The following SLC1A1 variants were observed in gnomAD, a reference collection of about 807,000 sequenced individuals.
The protein encoded by SLC1A1 is solute carrier family 1 member 1, also known as excitatory amino acid transporter 3.
A neutral mutation model predicts 53.3 loss-of-function variants in SLC1A1; 43 were observed. The ratio of observed to expected loss-of-function variants is 0.81; its 90% CI spans 0.63 to 1.04. SLC1A1 has a LOEUF of 1.04. SLC1A1 is among the 50% of genes least tolerant of loss of function. The pLI is 0.00. For synonymous variants in SLC1A1, 307 were observed against 243.2 expected (o/e 1.26, Z -2.44); for missense variants, 748 against 664.9 (o/e 1.12, Z -1.37).
intron 1 of SLC1A1, among the ~76,000 whole-genome samples, chr9:4,537,653 G>A (rs1451445928): frequency 1.3e-5 from 2 of 151,148 alleles, no homozygotes; most frequent in Admixed American, 6.6e-5. Context: ...AACATGCTAC[G>A]TGAAATAAGC....
At chr9:4,551,925 T>A (rs1379582417) in intron 2 of SLC1A1, among the ~76,000 whole-genome samples, 1 of 152,216 alleles carries the variant, frequency 6.6e-6, no homozygotes, top group East Asian at 1.9e-4. Context: ...ACATAGTGTA[T>A]AAGGAAGAGC....
At chr9:4,584,830 G>A (rs1821441023) in intron 11 of SLC1A1, among the ~76,000 whole-genome samples, 1 of 152,066 alleles carries the variant, frequency 6.6e-6, no homozygotes, top group Non-Finnish European at 1.5e-5. Context: ...GACCTAGATT[G>A]GTAAATAAAC....
intron 10 of SLC1A1, among the ~76,000 whole-genome samples, chr9:4,577,487 AT>A (rs963871842): frequency 1.3e-4 from 20 of 152,186 alleles, no homozygotes; most frequent in African/African-American, 4.8e-4. Flanking sequence ...GTATTTATTT[AT>A]TTTTTGAGAT....
In SLC1A1 at chr9:4,576,626, G is replaced by C. The variant is rs774554523; in HGVS notation, c.1056G>C (p.Lys352Asn). ...CTGAAGAAAATAACCAGGTGGACAA[G>C]AGGATCACTCGATTCGTGTTACCCG... is the stretch of plus-strand genomic sequence containing the variant. The part of the protein sequence containing the change: ...RCAEENNQVD[K>N]RITRFVLPVG... Residue 352 changes from lysine to asparagine, a missense_variant, in exon 10 of 12, where the codon AAG becomes AAC. Lys to Asn is a moderately conservative substitution (Grantham distance 94, BLOSUM62 0). Transcript: ENST00000262352. 20 of 1,614,202 alleles carry C rather than the reference G, an allele frequency of 1.2e-5. No individual in the cohort carries two copies. The highest frequency in any genetic ancestry group is 1.6e-5 in the Non-Finnish European group (19 of 1,180,028).
intron 1 of SLC1A1, among the ~76,000 whole-genome samples, chr9:4,527,463 A>T (rs1326903600): frequency 6.6e-6 from 1 of 152,178 alleles, no homozygotes; most frequent in Non-Finnish European, 1.5e-5. Flanking sequence ...CATGCTATAT[A>T]AACAGTGCTG....
At chr9:4,544,445 A>T (rs566983975) in intron 1 of SLC1A1, 122 bp from the exon 2 acceptor site, 1 of 847,786 alleles carries the variant, frequency 1.2e-6, no homozygotes, top group South Asian at 1.4e-5. Context: ...ACTCATGGGA[A>T]ATGATCTAAA....
chr9:4,568,275 G>A (rs573097563), intron 6 of SLC1A1, among the ~76,000 whole-genome samples: 2 of 152,036 alleles, frequency 1.3e-5, no homozygotes, highest in South Asian at 2.1e-4. Context: ...AAAAATAGCC[G>A]GGTGTGATGG....
At chr9:4,497,140 T>G (rs1586686237) in intron 1 of SLC1A1, among the ~76,000 whole-genome samples, 1 of 152,270 alleles carries the variant, frequency 6.6e-6, no homozygotes, top group Admixed American at 6.5e-5. Context: ...CAGAAATTTT[T>G]TTTTGAGACT....
At chr9:4,551,177 C>T (rs910802921) in intron 2 of SLC1A1, among the ~76,000 whole-genome samples, 2 of 152,166 alleles carry the variant, frequency 1.3e-5, no homozygotes, top group African/African-American at 4.8e-5. Context: ...TCAGGCTTTA[C>T]AGCAGATGAC....
chr9:4,491,043 A>T (rs1820217618), intron 1 of SLC1A1, among the ~76,000 whole-genome samples: 1 of 152,170 alleles, frequency 6.6e-6, no homozygotes, highest in African/African-American at 2.4e-5. Flanking sequence ...GCTTGGGGGT[A>T]GAAAGGGAAG....
At chr9:4,517,831 G>T (rs929566112) in intron 1 of SLC1A1, among the ~76,000 whole-genome samples, 4 of 152,018 alleles carry the variant, frequency 2.6e-5, no homozygotes, top group Non-Finnish European at 5.9e-5. Flanking sequence ...CAGACCCATG[G>T]GCCTGCTTCC....
chr9:4,585,382 A>G lies in SLC1A1; in HGVS notation c.1399A>G (p.Lys467Glu), dbSNP rs1821498144. ...FGTGIVEKLS[K>E]KELEQMDVSS... ...GACGGGCATTGTGGAAAAGCTCTCC[A>G]AGAAGGAGCTGGAGCAGATGGATGT... Residue 467 changes from lysine (K) to glutamate (E), a missense_variant, in exon 12 of 12, where the codon AAG (lysine) becomes GAG (glutamate). Physicochemically the swap from Lys to Glu is moderately conservative, Grantham distance 56. Transcript: ENST00000262352. 1 of 1,614,226 alleles carries G rather than the reference A, an allele frequency of 6.2e-7. No homozygotes were observed. The highest frequency in any genetic ancestry group is 8.5e-7 in the Non-Finnish European group (1 of 1,180,020).
Position 4,549,423 on chromosome 9 carries a change from G to C in SLC1A1, c.232+4716G>C, listed in dbSNP as rs1391512785. Among the ~76,000 whole-genome samples, 1 of 152,150 alleles carries C rather than the reference G, an allele frequency of 6.6e-6. No homozygotes were observed. The highest frequency in any genetic ancestry group is 1.5e-5 in the Non-Finnish European group (1 of 68,036). On this transcript the variant is annotated intron_variant, in intron 2 of 11. Coordinates refer to ENST00000262352, the MANE Select transcript of SLC1A1 (RefSeq NM_004170.6). The surrounding 1 kb of genome is among the most constrained non-coding windows in gnomAD (Gnocchi z 4.1). The stretch of plus-strand genomic sequence containing the variant: ...CACTTCTACTCAGGACATAATCTTT[G>C]CTAAAGGTAACCAAAAGCAGATGAA...
chr9:4,561,679 G>A (rs376687504), intron 3 of SLC1A1, 138 bp downstream of exon 3: 3 of 725,570 alleles, frequency 4.1e-6, no homozygotes, highest in African/African-American at 1.7e-5. Context: ...ATCCCTTGAG[G>A]TCAGGGGTTT....
chr9:4,581,154 G>A (rs975634877), intron 10 of SLC1A1, among the ~76,000 whole-genome samples: 11 of 152,148 alleles, frequency 7.2e-5, no homozygotes, highest in African/African-American at 2.4e-4. Flanking sequence ...AAATGGTAGA[G>A]CCCAAAGTAC....
chr9:4,545,931 G>A (rs1817454688), intron 2 of SLC1A1, among the ~76,000 whole-genome samples: 1 of 152,216 alleles, frequency 6.6e-6, no homozygotes, highest in African/African-American at 2.4e-5. Flanking sequence ...GGTGGTGTTA[G>A]ATTGAAAATC....
rs781300108 is a variant in SLC1A1, at chr9:4,576,739, G to A, written c.1169G>A (p.Gly390Asp). Residue 390 changes from glycine to aspartate, a missense_variant, in exon 10 of 12, where the codon GGC becomes GAC. Transcript: ENST00000262352. ...FIAQLNDLDL[G>D]IGQIITISIT... is the part of the protein sequence containing the mutation. ...GCACAGTTGAATGACCTGGACTTGGGCATTGGGCAGATCATCACCATCAGG... is the reference window on the plus strand; with the variant it reads ...GCACAGTTGAATGACCTGGACTTGGACATTGGGCAGATCATCACCATCAGG... The A allele has an allele frequency of 1.9e-6, 3 of 1,614,076 alleles. No individual in the cohort carries two copies. The highest frequency in any genetic ancestry group is 2.2e-5 in the South Asian group (2 of 91,078).
intron 1 of SLC1A1, among the ~76,000 whole-genome samples, chr9:4,522,631 G>A (rs1431946843): frequency 6.6e-6 from 1 of 152,170 alleles, no homozygotes; most frequent in African/African-American, 2.4e-5. Flanking sequence ...TCAAAGTTCT[G>A]CGTGGCTGGG....
chr9:4,576,032 C>G lies in SLC1A1; in HGVS notation c.907C>G (p.Leu303Val). Residue 303 changes from leucine (L) to valine (V), a missense_variant, in exon 9 of 12, where the codon CTG becomes GTG. Coordinates refer to ENST00000262352, the MANE Select transcript of SLC1A1 (RefSeq NM_004170.6). ...LAIHSIVILP[L>V]IYFIVVRKNP... ...AATCCACTCCATTGTAATTCTCCCG[C>G]TGATATATTTCATAGTCGTACGAAA... is the stretch of plus-strand genomic sequence containing the variant. The G allele has an allele frequency of 6.2e-7, 1 of 1,614,044 alleles. No homozygotes were observed. The highest frequency in any genetic ancestry group is 8.5e-7 in the Non-Finnish European group (1 of 1,179,870).
Sources: allele counts gnomAD v4.1 joint callset (sites outside exome capture counted in the v4.1 genomes callset), GRCh38; gene constraint gnomAD v4.1.1; non-coding constraint Gnocchi (gnomAD v3.1); transcripts MANE v1.5; gene names NCBI Gene and HGNC (gene_info 2026-07-23, HGNC 2026-07-21).